Variants in FHOD3 observed in about 807,000 individuals in gnomAD.
FHOD3 encodes FH1/FH2 domain-containing protein 3.
In FHOD3, 90 loss-of-function variants were observed where a neutral mutation model predicts 173.0. That is an observed-to-expected ratio of 0.52 (90% CI 0.44 to 0.62). The LOEUF (loss-of-function observed/expected upper bound fraction) is 0.62. Among genes scored for constraint, FHOD3 ranks in the 20% least tolerant of loss-of-function variants. The probability of loss-of-function intolerance (pLI) is 0.00; values close to 1 mark genes in which losing one functional copy is unlikely to be tolerated. For synonymous variants in FHOD3, 828 were observed against 823.0 expected (o/e 1.01, Z -0.10); for missense variants, 1,945 against 2,034.7 (o/e 0.96, Z 0.85).
chr18:36,479,475 T>C (rs949229981), intron 3 of FHOD3, among the ~76,000 whole-genome samples: 1 of 152,174 alleles, frequency 6.6e-6, no homozygotes. Flanking sequence ...ATGTTGGTAG[T>C]GTCATAAGTT....
intron 3 of FHOD3, among the ~76,000 whole-genome samples, chr18:36,402,506 T>TACACAC (rs146120105): frequency 0.12 from 17,829 of 143,810 alleles, 1,115 homozygotes; most frequent in Middle Eastern, 0.17. Flanking sequence ...GATGCAATTA[T>TACACAC]ACACACACAC....
At chr18:36,536,675 G>T (rs2057008533) in intron 5 of FHOD3, among the ~76,000 whole-genome samples, 1 of 152,146 alleles carries the variant, frequency 6.6e-6, no homozygotes, top group Non-Finnish European at 1.5e-5. Flanking sequence ...ATCTGGTTAG[G>T]ATCAAAGGAG....
At chr18:36,504,973 A>G (rs2055227860) in intron 4 of FHOD3, among the ~76,000 whole-genome samples, 2 of 152,216 alleles carry the variant, frequency 1.3e-5, no homozygotes, top group African/African-American at 2.4e-5. Flanking sequence ...TCCCAAGGAA[A>G]AAAGAACCTC....
At chr18:36,473,070 G>A (rs142822499) in intron 3 of FHOD3, among the ~76,000 whole-genome samples, 18 of 152,320 alleles carry the variant, frequency 1.2e-4, no homozygotes, top group African/African-American at 4.3e-4. Flanking sequence ...GAAATGAGAT[G>A]TTTTAATCTT....
At chr18:36,346,285 G>C (rs540938111) in intron 1 of FHOD3, among the ~76,000 whole-genome samples, 1 of 152,260 alleles carries the variant, frequency 6.6e-6, no homozygotes, top group South Asian at 2.1e-4. Context: ...AGGGTCACTT[G>C]AGCCTGGGAG....
intron 3 of FHOD3, among the ~76,000 whole-genome samples, chr18:36,493,213 C>CTTTTTTTTTTTTTTTT (rs60189688): frequency 2.2e-5 from 3 of 138,160 alleles, no homozygotes; most frequent in African/African-American, 5.3e-5. Flanking sequence ...TTTTCTTTTT[C>CTTTTTTTTTTTTTTTT]TTTTTTTTTT....
At chr18:36,328,387 T>G (rs2044789441) in intron 1 of FHOD3, among the ~76,000 whole-genome samples, 1 of 151,688 alleles carries the variant, frequency 6.6e-6, no homozygotes, top group African/African-American at 2.4e-5. Context: ...AGTGCAAGGG[T>G]CCTGAGATGG....
intron 5 of FHOD3, among the ~76,000 whole-genome samples, chr18:36,548,198 A>C (rs2057493773): frequency 6.7e-6 from 1 of 149,024 alleles, no homozygotes; most frequent in African/African-American, 2.5e-5. Context: ...TCTCAAAAAC[A>C]AAAAAAAAAT....
At chr18:36,591,208 A>G (rs956960560) in intron 6 of FHOD3, among the ~76,000 whole-genome samples, 10 of 152,232 alleles carry the variant, frequency 6.6e-5, no homozygotes, top group African/African-American at 2.4e-4. Context: ...TTCCTACAGA[A>G]TAGAAGCAGA....
In FHOD3 at chr18:36,755,246, C is replaced by G; in HGVS notation, c.4360C>G (p.Gln1454Glu). The G allele has an allele frequency of 6.2e-7, 1 of 1,612,040 alleles. No homozygotes were observed. Among genetic ancestry groups the G allele is most frequent in the Non-Finnish European group, 8.5e-7 (1 of 1,179,174 alleles). ...EYRTTRERVL[Q>E]QKQKRANHRE... ...TCGCACAACCAGGGAAAGGGTTTTG[C>G]AGCAGAAACAGAAACGGGCCAACCA... The change falls in exon 25 of 29, where the codon CAG becomes GAG. Residue 1454 changes from glutamine (Q) to glutamate (E), a missense_variant. Transcript: ENST00000590592.
chr18:36,385,342 C>T (rs17650339), intron 3 of FHOD3, among the ~76,000 whole-genome samples: 21,474 of 152,120 alleles, frequency 0.14, 1,912 homozygotes, highest in Middle Eastern at 0.33. Context: ...TCCCACAATT[C>T]CTGCTTAGCT....
At chr18:36,696,956 G>C (rs1352069336) in intron 17 of FHOD3, among the ~76,000 whole-genome samples, 2 of 152,142 alleles carry the variant, frequency 1.3e-5, no homozygotes, top group Non-Finnish European at 2.9e-5. Flanking sequence ...TATCTACTTA[G>C]TAAGTTTATT....
In FHOD3 at chr18:36,403,185, C is replaced by G. The variant is rs540052883; in HGVS notation, c.337+30441C>G. 7.9e-5 allele frequency among the ~76,000 whole-genome samples: 12 copies of G among 152,294 alleles called. No homozygotes were observed. The South Asian group carries it at 2.3e-3, about 29-fold the overall frequency. On this transcript the variant is annotated intron_variant, in intron 3 of 28. Coordinates refer to ENST00000590592, the MANE Select transcript of FHOD3 (RefSeq NM_001281740.3). ...GTAGTTGAGGGAGCTATGTGTGTCT[C>G]CTTCCTCTCTCCCCTAGGGGGCTGG...
intron 15 of FHOD3, among the ~76,000 whole-genome samples, chr18:36,682,421 C>T (rs2038312021): frequency 6.6e-6 from 1 of 152,002 alleles, no homozygotes; most frequent in Non-Finnish European, 1.5e-5. Flanking sequence ...CCTATAGCTT[C>T]TACATTCTTT....
intron 19 of FHOD3, among the ~76,000 whole-genome samples, chr18:36,722,804 A>T (rs1051581170): frequency 6.6e-6 from 1 of 152,134 alleles, no homozygotes; most frequent in African/African-American, 2.4e-5. Context: ...CAGGTGAAAA[A>T]TGAGGCGCTG....
intron 3 of FHOD3, among the ~76,000 whole-genome samples, chr18:36,485,635 C>A (rs185244068): frequency 1.3e-5 from 2 of 152,330 alleles, no homozygotes; most frequent in Admixed American, 6.5e-5. Context: ...TGACAAGTGG[C>A]ATTATCATGT....
At chr18:36,448,913 C>T (rs2051658418) in intron 3 of FHOD3, among the ~76,000 whole-genome samples, 1 of 151,714 alleles carries the variant, frequency 6.6e-6, no homozygotes, top group African/African-American at 2.4e-5. Flanking sequence ...AGCCTCTGTC[C>T]TCCTTTATTC....
At position 36,611,165 on chromosome 18, in the gene FHOD3, A is replaced by T. The variant is rs1409280619; in HGVS notation, c.814-787A>T. ...GGGAGGCCCTATTGAATTTAAATAC[A>T]GTTTAATAAAATTAAATTGTTACAA... On this transcript the variant is annotated intron_variant, in intron 8 of 28. Transcript: ENST00000590592. Among the ~76,000 whole-genome samples, 3 of 152,250 alleles carry T rather than the reference A, an allele frequency of 2.0e-5. No individual in the cohort carries two copies. In the East Asian group the frequency reaches 5.8e-4, roughly 29 times the overall value.
intron 3 of FHOD3, among the ~76,000 whole-genome samples, chr18:36,374,392 C>T (rs999277238): frequency 6.6e-6 from 1 of 152,158 alleles, no homozygotes; most frequent in African/African-American, 2.4e-5. Flanking sequence ...TGCTTGCTCA[C>T]AAACCTCTTT....
Sources: allele counts gnomAD v4.1 joint callset (sites outside exome capture counted in the v4.1 genomes callset), GRCh38; gene constraint gnomAD v4.1.1; transcripts MANE v1.5; gene names NCBI Gene and HGNC (gene_info 2026-07-23, HGNC 2026-07-21).